Variants in MEIS2 observed in about 807,000 individuals in gnomAD.
The protein encoded by MEIS2 is homeobox protein Meis2.
In MEIS2, 9 loss-of-function variants were observed where a neutral mutation model predicts 58.6. That is an observed-to-expected ratio of 0.15 (90% confidence interval 0.09 to 0.27). The LOEUF is 0.27. Among genes scored for constraint, MEIS2 ranks in the 10% least tolerant of loss-of-function variants. MEIS2 has a pLI of 1.00. For synonymous variants in MEIS2, 221 were observed against 228.4 expected (o/e 0.97, Z 0.29); for missense variants, 427 against 635.0 (o/e 0.67, Z 3.52).
At chr15:36,962,643 C>T (rs1027707153) in intron 8 of MEIS2, among the ~76,000 whole-genome samples, 32 of 151,992 alleles carry the variant, frequency 2.1e-4, no homozygotes, top group African/African-American at 7.2e-4. Flanking sequence ...CATAAAGGTC[C>T]GACTGTAGCC....
At chr15:37,098,232 G>T (rs1227780042) in intron 1 of MEIS2, 33 bp from the exon 2 acceptor site, 1 of 1,546,686 alleles carries the variant, frequency 6.5e-7, no homozygotes, top group Non-Finnish European at 8.8e-7. Flanking sequence ...AGGGGGCGCA[G>T]GAGGTGAGGG....
At chr15:36,903,112 G>A (rs1398133415) in intron 9 of MEIS2, among the ~76,000 whole-genome samples, 1 of 152,080 alleles carries the variant, frequency 6.6e-6, no homozygotes, top group Admixed American at 6.6e-5. Context: ...CTCAGATAGG[G>A]AATTATCTTT....
At chr15:37,030,809 TA>T (rs772664059) in intron 8 of MEIS2, among the ~76,000 whole-genome samples, 9 of 151,148 alleles carry the variant, frequency 6.0e-5, no homozygotes, top group African/African-American at 1.7e-4. Flanking sequence ...CCCAGCCAAT[TA>T]AAAAAAAATT....
chr15:36,917,136 C>T (rs72708676), intron 9 of MEIS2, among the ~76,000 whole-genome samples: 7 of 152,276 alleles, frequency 4.6e-5, no homozygotes, highest in Non-Finnish European at 1.0e-4. Flanking sequence ...CAACAGCAAC[C>T]GGATCACAAG....
intron 8 of MEIS2, among the ~76,000 whole-genome samples, chr15:36,988,673 A>G (rs982915050): frequency 6.6e-6 from 1 of 152,242 alleles, no homozygotes; most frequent in Non-Finnish European, 1.5e-5. Context: ...AATACCCATT[A>G]GCTATGGAAA....
At chr15:37,062,202 A>C (rs1055286574) in intron 7 of MEIS2, among the ~76,000 whole-genome samples, 2 of 152,196 alleles carry the variant, frequency 1.3e-5, no homozygotes, top group African/African-American at 4.8e-5. Context: ...TGCATGTGGC[A>C]CTAACTTGAC....
At chr15:36,984,688 AC>A (rs1397330779) in intron 8 of MEIS2, among the ~76,000 whole-genome samples, 1 of 152,124 alleles carries the variant, frequency 6.6e-6, no homozygotes, top group Non-Finnish European at 1.5e-5. Context: ...TTAAGTGTTT[AC>A]TAGAATTCAC....
intron 8 of MEIS2, among the ~76,000 whole-genome samples, chr15:37,010,133 G>A (rs1460361370): frequency 1.3e-5 from 2 of 152,076 alleles, no homozygotes; most frequent in Admixed American, 1.3e-4. Flanking sequence ...TGTTGCCCAG[G>A]CTGGAGTGCA....
intron 8 of MEIS2, among the ~76,000 whole-genome samples, chr15:36,969,503 C>G (rs1339923679): frequency 6.6e-6 from 1 of 152,150 alleles, no homozygotes; most frequent in East Asian, 1.9e-4. Context: ...TACATTCTAT[C>G]TTAATTCTTT....
intron 8 of MEIS2, among the ~76,000 whole-genome samples, chr15:36,989,932 TTTTGTTTGTTTG>T (rs752139582): frequency 5.9e-5 from 9 of 151,774 alleles, no homozygotes; most frequent in Non-Finnish European, 1.2e-4. Context: ...TTGGAAGCAG[TTTTGTTTGTTTG>T]TTTGTTTGTT....
At chr15:36,996,973 G>A (rs1013210328) in intron 8 of MEIS2, among the ~76,000 whole-genome samples, 2 of 152,194 alleles carry the variant, frequency 1.3e-5, no homozygotes, top group African/African-American at 2.4e-5. Context: ...ATGTCAAACA[G>A]AGCTGTGAAT....
At chr15:36,956,058 G>A (rs890041825) in intron 8 of MEIS2, among the ~76,000 whole-genome samples, 2 of 147,242 alleles carry the variant, frequency 1.4e-5, no homozygotes, top group East Asian at 4.0e-4. Flanking sequence ...TTAGCCGGGC[G>A]TGGTGGCGGG....
chr15:36,919,371 G>A (rs952907845), intron 9 of MEIS2, among the ~76,000 whole-genome samples: 13 of 152,088 alleles, frequency 8.5e-5, no homozygotes, highest in African/African-American at 2.7e-4. Context: ...CTGAGGTCAG[G>A]AGTTTGAGAC....
chr15:37,017,180 A>G (rs548796952), intron 8 of MEIS2, among the ~76,000 whole-genome samples: 294 of 152,364 alleles, frequency 1.9e-3, no homozygotes, highest in African/African-American at 6.8e-3. Context: ...TTGTTTGAAC[A>G]TCAAACACGA....
intron 7 of MEIS2, among the ~76,000 whole-genome samples, chr15:37,039,172 A>C (rs1224293766): frequency 2.6e-5 from 4 of 152,202 alleles, no homozygotes; most frequent in African/African-American, 9.6e-5. Flanking sequence ...GAAGTCAGTC[A>C]GTCTGTCTGT....
intron 9 of MEIS2, among the ~76,000 whole-genome samples, chr15:36,931,563 T>C (rs1246331341): frequency 1.3e-5 from 2 of 152,220 alleles, no homozygotes; most frequent in Non-Finnish European, 2.9e-5. Context: ...ACTTCTATTT[T>C]GTAAGGCCCT....
chr15:37,095,711 G>C, intron 3 of MEIS2, 97 bp from the exon 4 acceptor site: 1 of 1,566,180 alleles, frequency 6.4e-7, no homozygotes, highest in Non-Finnish European at 8.8e-7. Context: ...TGGCGGAGAA[G>C]AGGAAAGGGG....
At chr15:36,973,632 T>C (rs2059643187) in intron 8 of MEIS2, among the ~76,000 whole-genome samples, 2 of 152,222 alleles carry the variant, frequency 1.3e-5, no homozygotes, top group South Asian at 4.1e-4. Context: ...ATACAAGTTG[T>C]AATTAGAAGA....
chr15:37,006,693 G>T (rs897099249), intron 8 of MEIS2, among the ~76,000 whole-genome samples: 2 of 152,224 alleles, frequency 1.3e-5, no homozygotes, highest in Non-Finnish European at 2.9e-5. Flanking sequence ...ATGCAGAACT[G>T]TTCGTTGTTC....
Sources: gnomAD v4.1 joint callset for allele counts (sites outside exome capture counted in the v4.1 genomes callset) on GRCh38, gnomAD v4.1.1 for gene constraint, MANE v1.5 for transcripts, NCBI Gene and HGNC (gene_info 2026-07-23, HGNC 2026-07-21) for gene names.